Variants in CNTNAP2 observed in about 807,000 individuals in gnomAD.
The protein encoded by CNTNAP2 is contactin-associated protein-like 2.
In CNTNAP2, 98 loss-of-function variants were observed where a neutral mutation model predicts 155.2. That is an observed-to-expected ratio of 0.63 (90% CI 0.54 to 0.75). The LOEUF (loss-of-function observed/expected upper bound fraction) is 0.75, where lower values mean the gene tolerates loss of function less well. Ranked by LOEUF, CNTNAP2 falls within the 30% of genes least tolerant of loss-of-function variation. CNTNAP2 has a pLI of 0.00. For synonymous variants in CNTNAP2, 651 were observed against 631.2 expected (o/e 1.03, Z -0.47); for missense variants, 1,727 against 1,688.1 (o/e 1.02, Z -0.40).
intron 1 of CNTNAP2, among the ~76,000 whole-genome samples, chr7:146,746,471 G>A (rs1360711714): frequency 6.6e-6 from 1 of 152,024 alleles, no homozygotes; most frequent in East Asian, 1.9e-4. Context: ...CAGTAATATT[G>A]TTTGTGACTA....
At chr7:146,319,588 T>C (rs1321921489) in intron 1 of CNTNAP2, among the ~76,000 whole-genome samples, 1 of 152,204 alleles carries the variant, frequency 6.6e-6, no homozygotes, top group Non-Finnish European at 1.5e-5. Flanking sequence ...ACTCACATTG[T>C]TTTGATTTCT....
chr7:147,746,769 C>A (rs74463636), intron 13 of CNTNAP2, among the ~76,000 whole-genome samples: 27,565 of 152,072 alleles, frequency 0.18, 2,964 homozygotes, highest in Middle Eastern at 0.38. Flanking sequence ...GAGAGAACTC[C>A]GTTCTACAAA....
intron 18 of CNTNAP2, among the ~76,000 whole-genome samples, chr7:148,208,678 A>G (rs114861735): frequency 2.1e-3 from 317 of 152,304 alleles, no homozygotes; most frequent in African/African-American, 7.4e-3. Context: ...ACTTCAGTGA[A>G]TGGAGTTCAG....
In CNTNAP2 at chr7:146,994,635, A is replaced by G. The variant is rs187270637; in HGVS notation, c.403-49272A>G. Among the ~76,000 whole-genome samples the G allele has an allele frequency of 4.6e-5, 7 of 152,212 alleles. No individual in the cohort carries two copies. In the East Asian group the frequency reaches 1.2e-3, roughly 25 times the overall value. On this transcript the variant is annotated intron_variant, in intron 3 of 23. Coordinates refer to ENST00000361727, the MANE Select transcript of CNTNAP2 (RefSeq NM_014141.6). ...TGCAGCTGTTTTCCTCTATCCCAAG[A>G]ATGTAACTAGTGATTGTAGGATCAT...
chr7:146,708,506 C>G (rs1219763942), intron 1 of CNTNAP2, among the ~76,000 whole-genome samples: 2 of 144,298 alleles, frequency 1.4e-5, no homozygotes, highest in Admixed American at 7.1e-5. Context: ...TATTAAAGTG[C>G]TATTTCCAGA....
At chr7:147,206,339 C>T (rs536792891) in intron 8 of CNTNAP2, among the ~76,000 whole-genome samples, 129 of 150,094 alleles carry the variant, frequency 8.6e-4, no homozygotes, top group African/African-American at 2.3e-3. Context: ...CTGAGGCAGG[C>T]GGATCACTTG....
intron 3 of CNTNAP2, among the ~76,000 whole-genome samples, chr7:146,859,099 A>G (rs2129204775): frequency 6.6e-6 from 1 of 152,324 alleles, no homozygotes; most frequent in African/African-American, 2.4e-5. Flanking sequence ...TAAAGGTAAA[A>G]TTTTGAGGCA....
At chr7:147,934,704 A>T (rs1042204661) in intron 14 of CNTNAP2, among the ~76,000 whole-genome samples, 7 of 152,256 alleles carry the variant, frequency 4.6e-5, no homozygotes, top group African/African-American at 1.7e-4. Context: ...GGATCAAAGT[A>T]ACCCTACATA....
At chr7:146,577,392 T>C (rs1055554991) in intron 1 of CNTNAP2, among the ~76,000 whole-genome samples, 1 of 152,104 alleles carries the variant, frequency 6.6e-6, no homozygotes, top group African/African-American at 2.4e-5. Flanking sequence ...AAAAATCTAA[T>C]TTTTATTTTT....
intron 21 of CNTNAP2, among the ~76,000 whole-genome samples, chr7:148,289,916 T>C (rs1212701930): frequency 3.3e-5 from 5 of 152,234 alleles, no homozygotes; most frequent in African/African-American, 1.2e-4. Context: ...AAGCCTGAGT[T>C]ATTTTTTGCA....
At chr7:147,376,912 ATTTTCT>A (rs1796444397) in intron 9 of CNTNAP2, among the ~76,000 whole-genome samples, 1 of 151,752 alleles carries the variant, frequency 6.6e-6, no homozygotes, top group African/African-American at 2.4e-5. Flanking sequence ...AACCATACTA[ATTTTCT>A]TTTTCTTAAA....
chr7:146,311,170 C>A (rs990145721), intron 1 of CNTNAP2, among the ~76,000 whole-genome samples: 1 of 152,156 alleles, frequency 6.6e-6, no homozygotes, highest in Admixed American at 6.5e-5. Flanking sequence ...AGTTTTTGTG[C>A]TCCAATAAAT....
At chr7:146,318,322 T>C (rs1584866530) in intron 1 of CNTNAP2, among the ~76,000 whole-genome samples, 1 of 152,216 alleles carries the variant, frequency 6.6e-6, no homozygotes, top group South Asian at 2.1e-4. Context: ...AGCTATAAAA[T>C]AAAAAGCTTT....
intron 8 of CNTNAP2, among the ~76,000 whole-genome samples, chr7:147,290,337 G>A (rs991558827): frequency 2.6e-5 from 4 of 152,124 alleles, no homozygotes; most frequent in Non-Finnish European, 5.9e-5. Context: ...TCAGTACTAT[G>A]TCAGGGGACC....
chr7:146,309,604 C>G (rs936297379), intron 1 of CNTNAP2, among the ~76,000 whole-genome samples: 12 of 152,004 alleles, frequency 7.9e-5, no homozygotes, highest in Admixed American at 7.9e-4. Flanking sequence ...GAGTTCGAGA[C>G]CAGCCTGGAC....
intron 15 of CNTNAP2, among the ~76,000 whole-genome samples, chr7:148,083,871 AAG>A (rs1803666571): frequency 6.6e-6 from 1 of 152,178 alleles, no homozygotes. Flanking sequence ...TTACATAACT[AAG>A]AGTCTCCATG....
At chr7:146,185,902 T>C (rs1427582507) in intron 1 of CNTNAP2, among the ~76,000 whole-genome samples, 3 of 152,064 alleles carry the variant, frequency 2.0e-5, no homozygotes, top group African/African-American at 7.2e-5. Flanking sequence ...TGTCCTCAGA[T>C]ATAAATTTTT....
chr7:146,240,098 T>A (rs1292472122), intron 1 of CNTNAP2, among the ~76,000 whole-genome samples: 1 of 152,192 alleles, frequency 6.6e-6, no homozygotes, highest in Non-Finnish European at 1.5e-5. Context: ...ACTTTTGTTT[T>A]ATTTCCTTTT....
intron 3 of CNTNAP2, among the ~76,000 whole-genome samples, chr7:146,951,743 G>A (rs922695739): frequency 2.0e-5 from 3 of 152,032 alleles, no homozygotes; most frequent in Non-Finnish European, 2.9e-5. Flanking sequence ...CTCCAGCTTT[G>A]TTCTTTTTGC....
Sources: allele counts gnomAD v4.1 joint callset (sites outside exome capture counted in the v4.1 genomes callset), GRCh38; gene constraint gnomAD v4.1.1; transcripts MANE v1.5; gene names NCBI Gene and HGNC (gene_info 2026-07-23, HGNC 2026-07-21).